C1QTNF2: variants seen among roughly 807,000 people sequenced by gnomAD.
C1QTNF2 encodes the protein C1q and TNF related 2.
C1QTNF2 carries 15 observed loss-of-function variants against 17.4 expected under a neutral mutation model. That is an observed-to-expected ratio of 0.86 (90% CI 0.58 to 1.33). The LOEUF is 1.33. Among genes scored for constraint, C1QTNF2 ranks in the 40% most tolerant of loss-of-function variants. C1QTNF2 has a pLI of 0.00. For synonymous variants in C1QTNF2, 154 were observed against 163.3 expected, an observed-to-expected ratio of 0.94 and a Z score of 0.44; for missense variants, 381 against 392.3, an observed-to-expected ratio of 0.97 and a Z score of 0.24.
chr5:160,358,195 G>C (rs1310948537), intron 1 of C1QTNF2, among the ~76,000 whole-genome samples: 2 of 152,272 alleles, frequency 1.3e-5, no homozygotes, highest in East Asian at 1.9e-4. Context: ...TTGGGAGCTA[G>C]AGCCAGGAAC....
chr5:160,361,047 C>A (rs1423433186), intron 1 of C1QTNF2, among the ~76,000 whole-genome samples: 1 of 152,102 alleles, frequency 6.6e-6, no homozygotes, highest in Non-Finnish European at 1.5e-5. Context: ...ACCTGCCTCG[C>A]CTCAAAGTGC....
chr5:160,352,227 G>T (rs527916087), intron 2 of C1QTNF2, among the ~76,000 whole-genome samples: 297 of 152,238 alleles, frequency 2.0e-3, no homozygotes, highest in African/African-American at 6.0e-3. Flanking sequence ...TTTGACTTGG[G>T]GTTTTTGGCG....
Position 160,370,568 on chromosome 5 carries a change from G to C in C1QTNF2, c.-66C>G. 6.9e-7 allele frequency: 1 copy of C among 1,447,956 alleles called. No homozygotes were observed. The highest frequency in any genetic ancestry group is 9.0e-7 in the Non-Finnish European group (1 of 1,108,472). 89.7% of individuals were successfully genotyped at this position (1,447,956 alleles called of 1,614,324 possible). A position where few individuals can be genotyped will look rare whatever the true frequency, so the allele number is the denominator to read the frequency against. ...CCGGAGCAAAGAAGCTCTCGGCGGG[G>C]CTCCGCGTCCCGGCTTTCCTCAGCG... is the stretch of plus-strand genomic sequence containing the variant. On this transcript the variant is annotated 5_prime_UTR_variant, in exon 1 of 3. Transcript: ENST00000652664.
Position 160,349,713 on chromosome 5 carries a change from C to A in C1QTNF2, c.313G>T (p.Ala105Ser). 6.3e-7 allele frequency: 1 copy of A among 1,578,380 alleles called. No individual in the cohort carries two copies. Residue 105 changes from alanine to serine, a missense_variant, in exon 3 of 3, where the codon GCT (alanine) becomes TCT (serine). Coordinates refer to ENST00000652664, the MANE Select transcript of C1QTNF2 (RefSeq NM_031908.6). This position sits in a 1 kb window ranked among gnomAD's most constrained non-coding sequence, Gnocchi z 4.3. ...PKGKAGAIGR[A>S]GPRGPKGVNG... ...ACCCCCTTGGGGCCACGGGGGCCAG[C>A]CCGCCCAATGGCCCCGGCTTTGCCC...
chr5:160,348,959 A>C lies in C1QTNF2; in HGVS notation c.*209T>G. 1 of 593,966 alleles carries C rather than the reference A, an allele frequency of 1.7e-6. No homozygotes were observed. Among genetic ancestry groups the C allele is most frequent in the Non-Finnish European group, 2.9e-6 (1 of 346,348 alleles). 36.8% of individuals were successfully genotyped at this position (593,966 alleles called of 1,614,324 possible). A position where few individuals can be genotyped will look rare whatever the true frequency, so the allele number is the denominator to read the frequency against. ...AATAGCATAGTGCCTGTTACACAGTAGATACTTTAAAAAGAAGTGAATAAA... is the reference window on the plus strand; with the variant it reads ...AATAGCATAGTGCCTGTTACACAGTCGATACTTTAAAAAGAAGTGAATAAA... On this transcript the variant is annotated 3_prime_UTR_variant, in exon 3 of 3. Transcript: ENST00000652664.
At chr5:160,359,710 C>A (rs1417822834) in intron 1 of C1QTNF2, among the ~76,000 whole-genome samples, 5 of 152,202 alleles carry the variant, frequency 3.3e-5, no homozygotes, top group Admixed American at 3.3e-4. Context: ...GTGGAGGGGA[C>A]AGCCTCCTGG....
intron 2 of C1QTNF2, among the ~76,000 whole-genome samples, chr5:160,350,040 C>T (rs1416361657): frequency 6.6e-6 from 1 of 152,182 alleles, no homozygotes; most frequent in Admixed American, 6.5e-5. Flanking sequence ...CTTTCCTTTT[C>T]CTGCCTTCTA....
chr5:160,351,938 T>G (rs1303565484), intron 2 of C1QTNF2, among the ~76,000 whole-genome samples: 3 of 145,382 alleles, frequency 2.1e-5, no homozygotes. Flanking sequence ...AAAGATAGAG[T>G]CTCACGCTGT....
chr5:160,361,297 C>T (rs373357168), intron 1 of C1QTNF2, among the ~76,000 whole-genome samples: 163 of 152,318 alleles, frequency 1.1e-3, no homozygotes, highest in African/African-American at 3.6e-3. Context: ...GGGCCCTCTG[C>T]CCAGACTGTG....
rs1245671331 is a variant in C1QTNF2, at chr5:160,348,132, G to A, written c.*1036C>T. The A allele has an allele frequency of 2.6e-5, 4 of 152,192 alleles. No homozygotes were observed. The highest frequency in any genetic ancestry group is 2.1e-4 in the South Asian group (1 of 4,834). 9.4% of individuals were successfully genotyped at this position (152,192 alleles called of 1,614,324 possible). A position where few individuals can be genotyped will look rare whatever the true frequency, so the allele number is the denominator to read the frequency against. On this transcript the variant is annotated 3_prime_UTR_variant, in exon 3 of 3. Coordinates refer to ENST00000652664, the MANE Select transcript of C1QTNF2 (RefSeq NM_031908.6). Reference sequence around the variant, plus strand: ...CTGGCAACACCTGTGCTTGGGGTGCGATTCATTTGCGTGGGATCCATTCCT... The same window carrying A: ...CTGGCAACACCTGTGCTTGGGGTGCAATTCATTTGCGTGGGATCCATTCCT...
chr5:160,353,361 G>A (rs1763962030), intron 2 of C1QTNF2, among the ~76,000 whole-genome samples: 1 of 152,174 alleles, frequency 6.6e-6, no homozygotes, highest in Admixed American at 6.5e-5. Flanking sequence ...ACAACGGAAA[G>A]GTCTGTAGAG....
At chr5:160,350,977 C>A (rs934872551) in intron 2 of C1QTNF2, among the ~76,000 whole-genome samples, 3 of 152,104 alleles carry the variant, frequency 2.0e-5, no homozygotes, top group Non-Finnish European at 4.4e-5. Context: ...GTCTTAAACT[C>A]CTGACCTCGT....
At chr5:160,365,001 T>C (rs1764220859) in intron 1 of C1QTNF2, among the ~76,000 whole-genome samples, 1 of 152,062 alleles carries the variant, frequency 6.6e-6, no homozygotes, top group Non-Finnish European at 1.5e-5. Context: ...GAATTAGAGG[T>C]GAAAAGATGT....
At chr5:160,354,631 T>TATATATATATATATAA (rs1314517787) in intron 2 of C1QTNF2, 137 bp downstream of exon 2, 1 of 223,566 alleles carries the variant, frequency 4.5e-6, no homozygotes, top group African/African-American at 3.1e-5. Context: ...TATATATATA[T>TATATATATATATATAA]ATAGATTTAT....
intron 1 of C1QTNF2, among the ~76,000 whole-genome samples, chr5:160,367,038 A>C (rs1272193902): frequency 2.0e-5 from 3 of 151,762 alleles, no homozygotes; most frequent in Non-Finnish European, 4.4e-5. Flanking sequence ...AAAAAAAAAA[A>C]AGAAAAAGAA....
At position 160,348,893 on chromosome 5, in the gene C1QTNF2, G is replaced by A; in HGVS notation, c.*275C>T. 1 of 392,632 alleles carries A rather than the reference G, an allele frequency of 2.5e-6. No individual in the cohort carries two copies. Among genetic ancestry groups the A allele is most frequent in the Non-Finnish European group, 4.5e-6 (1 of 220,516 alleles). The allele number at this position is 392,632 out of a possible 1,614,324, so 24.3% of individuals were successfully genotyped here. ...TCCTGCTAGAATGTAAGCTGCATGAGGACAGATACTCTGTCTTGTCCACTG... is the reference window on the plus strand; with the variant it reads ...TCCTGCTAGAATGTAAGCTGCATGAAGACAGATACTCTGTCTTGTCCACTG... On this transcript the variant is annotated 3_prime_UTR_variant, in exon 3 of 3. Transcript: ENST00000652664.
intron 1 of C1QTNF2, among the ~76,000 whole-genome samples, chr5:160,359,754 G>A (rs1441677576): frequency 6.6e-6 from 1 of 152,214 alleles, no homozygotes; most frequent in Admixed American, 6.5e-5. Context: ...CCTCTGGTGT[G>A]TTAATGGGGG....
In C1QTNF2 at chr5:160,349,714, C is replaced by G. The variant is rs768302673; in HGVS notation, c.312G>C (p.Arg104=). The change falls in exon 3 of 3, where the codon CGG becomes CGC. Residue 104 remains arginine, a synonymous_variant. Coordinates refer to ENST00000652664, the MANE Select transcript of C1QTNF2 (RefSeq NM_031908.6). This position sits in a 1 kb window ranked among gnomAD's most constrained non-coding sequence, Gnocchi z 4.3. ...CCCCCTTGGGGCCACGGGGGCCAGC[C>G]CGCCCAATGGCCCCGGCTTTGCCCT... is the stretch of plus-strand genomic sequence containing the variant. ...GPKGKAGAIG[R]AGPRGPKGVN... 1.9e-5 allele frequency: 30 copies of G among 1,577,112 alleles called. No individual in the cohort carries two copies. In the East Asian group the frequency reaches 5.6e-4, roughly 29 times the overall value.
Position 160,349,699 on chromosome 5 carries a change from G to A in C1QTNF2, c.327C>T (p.Gly109=). 1 of 1,596,374 alleles carries A rather than the reference G, an allele frequency of 6.3e-7. No homozygotes were observed. Among genetic ancestry groups the A allele is most frequent in the Admixed American group, 1.8e-5 (1 of 56,166 alleles). Residue 109 remains glycine, a synonymous_variant, in exon 3 of 3, where the codon GGC becomes GGT. Transcript: ENST00000652664. The surrounding 1 kb of genome is among the most constrained non-coding windows in gnomAD (Gnocchi z 4.3). ...CGGGGGTACCGTTGACCCCCTTGGG[G>A]CCACGGGGGCCAGCCCGCCCAATGG... ...AGAIGRAGPR[G]PKGVNGTPGK...
Sources: allele counts gnomAD v4.1 joint callset (sites outside exome capture counted in the v4.1 genomes callset), GRCh38; gene constraint gnomAD v4.1.1; non-coding constraint Gnocchi (gnomAD v3.1); transcripts MANE v1.5; gene names NCBI Gene and HGNC (gene_info 2026-07-23, HGNC 2026-07-21).